GALNT13: variants seen among roughly 807,000 people sequenced by gnomAD.
GALNT13 encodes polypeptide N-acetylgalactosaminyltransferase 13, also known as UDP-GalNAc:polypeptide N-acetylgalactosaminyltransferase 13.
A neutral mutation model predicts 64.2 loss-of-function variants in GALNT13; 28 were observed. The ratio of observed to expected loss-of-function variants is 0.44; its 90% CI spans 0.32 to 0.60. GALNT13 has a LOEUF of 0.60. GALNT13 is among the 20% of genes least tolerant of loss of function. The pLI is 0.05. For missense variants in GALNT13, 577 were observed against 669.8 expected (o/e 0.86, Z 1.53); for synonymous variants, 214 against 224.6 (o/e 0.95, Z 0.42).
the GALNT13 span, among the ~76,000 whole-genome samples, chr2:153,816,405 G>A: frequency 6.6e-6 from 1 of 152,110 alleles, no homozygotes; most frequent in Admixed American, 6.5e-5. Context: ...ATGAGAAGTG[G>A]TAAGAGATAA....
the GALNT13 span, among the ~76,000 whole-genome samples, chr2:153,190,506 C>T: frequency 6.6e-6 from 1 of 152,096 alleles, no homozygotes; most frequent in African/African-American, 2.4e-5. Context: ...GTTTTAAAGT[C>T]AGGTAGTATG....
the GALNT13 span, among the ~76,000 whole-genome samples, chr2:153,160,738 C>T: frequency 2.6e-5 from 4 of 152,188 alleles, no homozygotes; most frequent in African/African-American, 9.7e-5. Context: ...AATCTCCCCC[C>T]ACTCAATCAA....
At chr2:153,955,973 G>A (rs114748904) in intron 3 of GALNT13, among the ~76,000 whole-genome samples, 127 of 152,292 alleles carry the variant, frequency 8.3e-4, no homozygotes, top group African/African-American at 2.9e-3. Flanking sequence ...CATTGACACT[G>A]CCTTCAGCAC....
chr2:153,763,666 C>T, the GALNT13 span, among the ~76,000 whole-genome samples: 7 of 152,122 alleles, frequency 4.6e-5, 1 homozygote, highest in South Asian at 4.2e-4. Context: ...TTATTAGCAG[C>T]GTGAGAACAG....
the GALNT13 span, among the ~76,000 whole-genome samples, chr2:153,769,858 A>G: frequency 2.0e-5 from 3 of 152,090 alleles, no homozygotes; most frequent in African/African-American, 4.8e-5. Flanking sequence ...AATTTAGCCT[A>G]TTGTTAAATA....
the GALNT13 span, among the ~76,000 whole-genome samples, chr2:153,674,169 A>C: frequency 6.6e-6 from 1 of 152,178 alleles, no homozygotes; most frequent in Non-Finnish European, 1.5e-5. Context: ...ACAAACTACC[A>C]CTGACTTTCT....
chr2:153,470,498 G>A, the GALNT13 span, among the ~76,000 whole-genome samples: 2 of 152,122 alleles, frequency 1.3e-5, no homozygotes, highest in Non-Finnish European at 2.9e-5. Context: ...TTAAGTTGAT[G>A]AGATATGAGT....
At chr2:153,443,987 C>T in the GALNT13 span, among the ~76,000 whole-genome samples, 2 of 152,074 alleles carry the variant, frequency 1.3e-5, no homozygotes, top group African/African-American at 2.4e-5. Flanking sequence ...ATTTCTTGTG[C>T]TCTATAATAA....
At chr2:154,440,861 A>T (rs1191033979) in intron 12 of GALNT13, among the ~76,000 whole-genome samples, 5 of 152,296 alleles carry the variant, frequency 3.3e-5, no homozygotes, top group Non-Finnish European at 7.4e-5. Context: ...ATGTGCGATT[A>T]TATTTTTGAG....
intron 4 of GALNT13, among the ~76,000 whole-genome samples, chr2:154,207,051 T>C (rs1687499813): frequency 6.6e-6 from 1 of 152,190 alleles, no homozygotes; most frequent in Non-Finnish European, 1.5e-5. Context: ...TCCACACTGC[T>C]ACCAGAGATG....
chr2:153,256,008 T>G, the GALNT13 span, among the ~76,000 whole-genome samples: 1 of 152,212 alleles, frequency 6.6e-6, no homozygotes, highest in African/African-American at 2.4e-5. Context: ...ATCTGAATGT[T>G]GGCCTGCCTT....
At chr2:153,412,573 A>G in the GALNT13 span, among the ~76,000 whole-genome samples, 3 of 152,326 alleles carry the variant, frequency 2.0e-5, no homozygotes, top group African/African-American at 7.2e-5. Flanking sequence ...GCTTGGTCTC[A>G]GGAACAACTG....
At chr2:153,368,411 G>T in the GALNT13 span, among the ~76,000 whole-genome samples, 4 of 152,072 alleles carry the variant, frequency 2.6e-5, no homozygotes, top group African/African-American at 7.2e-5. Flanking sequence ...TCTGAATTTG[G>T]ACTTTCCAGG....
intron 8 of GALNT13, among the ~76,000 whole-genome samples, chr2:154,292,942 C>G (rs1228242126): frequency 6.6e-6 from 1 of 152,132 alleles, no homozygotes; most frequent in Admixed American, 6.5e-5. Flanking sequence ...TTAATTGTCT[C>G]CTAGCAGGGG....
At chr2:153,455,743 G>A in the GALNT13 span, among the ~76,000 whole-genome samples, 6 of 152,118 alleles carry the variant, frequency 3.9e-5, no homozygotes, top group African/African-American at 7.2e-5. Context: ...GCCTTTTCAC[G>A]TGGGGTAGCT....
At chr2:153,505,994 T>A in the GALNT13 span, among the ~76,000 whole-genome samples, 2,003 of 152,298 alleles carry the variant, frequency 0.013, 44 homozygotes, top group African/African-American at 0.045. Flanking sequence ...ATTTCTTATG[T>A]CTTGTAATAA....
chr2:154,439,520 G>A (rs779657072), intron 12 of GALNT13, among the ~76,000 whole-genome samples: 64 of 151,968 alleles, frequency 4.2e-4, no homozygotes, highest in Admixed American at 1.3e-3. Flanking sequence ...ACTAAACTTC[G>A]TTCTGCTTAA....
chr2:153,116,373 A>C, the GALNT13 span, among the ~76,000 whole-genome samples: 2 of 152,216 alleles, frequency 1.3e-5, no homozygotes, highest in Non-Finnish European at 2.9e-5. Context: ...ATGTATATTT[A>C]ATGAACTGAC....
At chr2:153,179,466 A>G in the GALNT13 span, among the ~76,000 whole-genome samples, 1 of 152,106 alleles carries the variant, frequency 6.6e-6, no homozygotes, top group Admixed American at 6.6e-5. Flanking sequence ...TTCATATATA[A>G]TTTGAAATCA....
Sources: allele counts gnomAD v4.1 joint callset (sites outside exome capture counted in the v4.1 genomes callset), GRCh38; gene constraint gnomAD v4.1.1; transcripts MANE v1.5; gene names NCBI Gene and HGNC (gene_info 2026-07-23, HGNC 2026-07-21).